ACSM2A: variants seen among roughly 807,000 people sequenced by gnomAD.
ACSM2A encodes acyl-coenzyme A synthetase ACSM2A, mitochondrial.
ACSM2A carries 72 observed loss-of-function variants against 76.6 expected under a neutral mutation model. The ratio of observed to expected loss-of-function variants is 0.94; its 90% CI spans 0.78 to 1.14. The LOEUF is 1.14. Among genes scored for constraint, ACSM2A ranks in the 50% most tolerant of loss-of-function variants. The probability of loss-of-function intolerance (pLI) is 0.00; values close to 1 mark genes in which losing one functional copy is unlikely to be tolerated. For missense variants in ACSM2A, 684 were observed against 708.5 expected, an observed-to-expected ratio of 0.97 and a Z score of 0.39; for synonymous variants, 249 against 255.9, an observed-to-expected ratio of 0.97 and a Z score of 0.26.
intron 2 of ACSM2A, 111 bp from the exon 3 acceptor site, chr16:20,465,406 C>T (rs1216922977): frequency 7.2e-7 from 1 of 1,396,774 alleles, no homozygotes; most frequent in Non-Finnish European, 9.7e-7. Flanking sequence ...TATGGAGGTG[C>T]TGAGATAAAA....
chr16:20,464,540 C>G (rs1476916214), intron 2 of ACSM2A, among the ~76,000 whole-genome samples: 1 of 152,060 alleles, frequency 6.6e-6, no homozygotes, highest in Admixed American at 6.6e-5. Flanking sequence ...TGAGAAGGTG[C>G]CACTCACTTT....
rs1482609025 is a variant in ACSM2A at position 20,486,773 on chromosome 16, T to C, written c.*95T>C. The stretch of plus-strand genomic sequence containing the variant: ...TCCTATGATTATATGAGATTCTTTA[T>C]GGAAGAACATGAATATAAGTTTTGT... On this transcript the variant is annotated 3_prime_UTR_variant, in exon 14 of 14. Coordinates refer to ENST00000573854, the MANE Select transcript of ACSM2A (RefSeq NM_001308172.2). 6 of 1,398,798 alleles carry C rather than the reference T, an allele frequency of 4.3e-6. No individual in the cohort carries two copies. Among genetic ancestry groups the C allele is most frequent in the Admixed American group, 1.9e-5 (1 of 52,450 alleles). 86.6% of individuals were successfully genotyped at this position (1,398,798 alleles called of 1,614,324 possible). A position where few individuals can be genotyped will look rare whatever the true frequency, so the allele number is the denominator to read the frequency against.
intron 8 of ACSM2A, chr16:20,476,638 A>C (rs1596669637): frequency 2.0e-6 from 2 of 985,912 alleles, no homozygotes; most frequent in Non-Finnish European, 2.4e-6. Flanking sequence ...GATCTTAATC[A>C]CTCAGCAGCC....
chr16:20,469,438 G>C, intron 3 of ACSM2A, 74 bp from the exon 4 acceptor site: 2 of 1,596,356 alleles, frequency 1.3e-6, no homozygotes, highest in South Asian at 2.3e-5. Context: ...CTCGCTGCTT[G>C]ATGTTTATCT....
chr16:20,477,196 A>G, intron 8 of ACSM2A, 173 bp from the exon 9 acceptor site: 3 of 1,223,976 alleles, frequency 2.5e-6, no homozygotes, highest in Non-Finnish European at 3.2e-6. Context: ...CGAAGCCCCT[A>G]GGATTGTGGT....
chr16:20,477,142 C>G (rs2013790425), intron 8 of ACSM2A: 2 of 641,530 alleles, frequency 3.1e-6, no homozygotes, highest in Non-Finnish European at 4.7e-6. Flanking sequence ...AGGTCCTCTT[C>G]CTGGGGAGTG....
rs2012966147 is a variant in ACSM2A, at chr16:20,465,878, A to G, written c.388+151A>G. 4 of 1,411,190 alleles carry G rather than the reference A, an allele frequency of 2.8e-6. No individual in the cohort carries two copies. In the South Asian group the frequency reaches 6.3e-5, roughly 22 times the overall value. 87.4% of individuals were successfully genotyped at this position (1,411,190 alleles called of 1,614,324 possible). ...GAAAGACATCTCCCTACTTCCACTT[A>G]TTTAAGCAAACTATGTGCCAAGCAC... On this transcript the variant is annotated intron_variant, in intron 3 of 13. Transcript: ENST00000573854.
chr16:20,477,108 A>G (rs1421258769), intron 8 of ACSM2A: 14 of 465,270 alleles, frequency 3.0e-5, no homozygotes, highest in African/African-American at 4.0e-5. Flanking sequence ...GGTTCCCCCT[A>G]AAAGAGATTA....
Position 20,483,048 on chromosome 16 carries a change from T to A in ACSM2A, c.1510-10T>A, listed in dbSNP as rs780548612. On this transcript the variant is annotated splice_polypyrimidine_tract_variant and intron_variant, in intron 12 of 13. Transcript: ENST00000573854. ...TAATCCCTTCTCTCTGGCCTTCATCTTTTTTGCAGGTGGTGAAGGCATTTG... is the reference window on the plus strand; with the variant it reads ...TAATCCCTTCTCTCTGGCCTTCATCATTTTTGCAGGTGGTGAAGGCATTTG... 8.1e-6 allele frequency: 13 copies of A among 1,612,344 alleles called. No homozygotes were observed. Among genetic ancestry groups the A allele is most frequent in the East Asian group, 2.2e-5 (1 of 44,808 alleles).
chr16:20,469,024 G>C (rs60875052), intron 3 of ACSM2A, among the ~76,000 whole-genome samples: 15,834 of 152,098 alleles, frequency 0.1, 2,065 homozygotes, highest in African/African-American at 0.3. Flanking sequence ...TGTGTACATA[G>C]ATATGTAAAA....
At chr16:20,484,091 C>A (rs372714857) in intron 13 of ACSM2A, among the ~76,000 whole-genome samples, 1 of 148,462 alleles carries the variant, frequency 6.7e-6, no homozygotes, top group Non-Finnish European at 1.5e-5. Flanking sequence ...CTCACTGGAC[C>A]AACTTGGGCC....
chr16:20,482,946 G>C lies in ACSM2A; in HGVS notation c.1510-112G>C, dbSNP rs367747504. 1.1e-4 allele frequency: 168 copies of C among 1,492,590 alleles called. No individual in the cohort carries two copies. In the East Asian group the frequency reaches 3.7e-3, roughly 33 times the overall value. The allele number at this position is 1,492,590 out of a possible 1,614,324, so 92.5% of individuals were successfully genotyped here. On this transcript the variant is annotated intron_variant, in intron 12 of 13. Transcript: ENST00000573854. Reference sequence around the variant, plus strand: ...TTTCCCTTGACCTGGATCACCGGGGGTGCAAATGAGGAGATACAAGGGTGA... The same window carrying C: ...TTTCCCTTGACCTGGATCACCGGGGCTGCAAATGAGGAGATACAAGGGTGA...
In ACSM2A at chr16:20,469,656, G is replaced by A; in HGVS notation, c.533G>A (p.Arg178Lys). 1 of 1,613,892 alleles carries A rather than the reference G, an allele frequency of 6.2e-7. No homozygotes were observed. Among genetic ancestry groups the A allele is most frequent in the Non-Finnish European group, 8.5e-7 (1 of 1,179,836 alleles). The change falls in exon 4 of 14, where the codon AGA (arginine) becomes AAA (lysine). Residue 178 changes from arginine (R) to lysine (K), a missense_variant. Coordinates refer to ENST00000573854, the MANE Select transcript of ACSM2A (RefSeq NM_001308172.2). ...GTGGCATCTGAATGTCCTTCTCTGA[G>A]AATTAAGCTACTGGTGTCTGAGAAA... Reference protein sequence around the residue: ...DTVASECPSLRIKLLVSEKSC... With the variant: ...DTVASECPSLKIKLLVSEKSC...
chr16:20,468,249 A>T (rs2013136847), intron 3 of ACSM2A, among the ~76,000 whole-genome samples: 1 of 152,236 alleles, frequency 6.6e-6, no homozygotes, highest in Non-Finnish European at 1.5e-5. Flanking sequence ...TGCAGTGAGA[A>T]TCCCAAAGTG....
chr16:20,475,212 C>G, intron 6 of ACSM2A, 150 bp from the exon 7 acceptor site: 1 of 1,514,540 alleles, frequency 6.6e-7, no homozygotes, highest in East Asian at 2.4e-5. Flanking sequence ...AGTTGTGGGG[C>G]TCATTTAACC....
At chr16:20,471,506 T>A in intron 5 of ACSM2A, 30 bp from the exon 6 acceptor site, 1 of 1,596,392 alleles carries the variant, frequency 6.3e-7, no homozygotes, top group East Asian at 2.2e-5. Flanking sequence ...CACCCACCTA[T>A]ATGTACATGT....
intron 3 of ACSM2A, among the ~76,000 whole-genome samples, chr16:20,466,044 A>T (rs1240157011): frequency 6.6e-6 from 1 of 152,164 alleles, no homozygotes; most frequent in Non-Finnish European, 1.5e-5. Context: ...ATTCTATTAA[A>T]ATCTATAAAA....
intron 1 of ACSM2A, among the ~76,000 whole-genome samples, chr16:20,458,907 T>TATATATATATATATATATATATATATAC (rs2012405830): frequency 8.2e-5 from 3 of 36,510 alleles, no homozygotes; most frequent in Non-Finnish European, 1.5e-4. Flanking sequence ...TATATATGCA[T>TATATATATATATATATATATATATATAC]ATATATATAT....
chr16:20,469,785 G>A (rs1567365498), intron 4 of ACSM2A, 66 bp downstream of exon 4: 22 of 1,604,154 alleles, frequency 1.4e-5, no homozygotes, highest in South Asian at 3.3e-5. Context: ...GCACTTAGGT[G>A]CAGGTGCTTT....
Sources: allele counts gnomAD v4.1 joint callset (sites outside exome capture counted in the v4.1 genomes callset), GRCh38; gene constraint gnomAD v4.1.1; transcripts MANE v1.5; gene names NCBI Gene and HGNC (gene_info 2026-07-23, HGNC 2026-07-21).